Variants in SSBP2 observed in about 807,000 individuals in gnomAD.
SSBP2 encodes the protein single stranded DNA binding protein 2.
Under a neutral mutation model 61.8 loss-of-function variants are expected in SSBP2, and 17 were observed. The observed-to-expected ratio is 0.28, with a 90% CI of 0.19 to 0.41. SSBP2 has a LOEUF of 0.41. SSBP2 is among the 10% of genes least tolerant of loss of function. The pLI, the probability that SSBP2 is intolerant of heterozygous loss-of-function variation, is 1.00. For synonymous variants in SSBP2, 139 were observed against 141.3 expected (o/e 0.98, Z 0.12); for missense variants, 310 against 458.7 (o/e 0.68, Z 2.96).
intron 15 of SSBP2, among the ~76,000 whole-genome samples, chr5:81,432,043 A>C (rs1223144464): frequency 6.6e-6 from 1 of 152,260 alleles, no homozygotes; most frequent in Non-Finnish European, 1.5e-5. Context: ...TTAGAATAAA[A>C]TAATAATGAC....
chr5:81,681,160 T>G (rs1486534608), intron 1 of SSBP2, among the ~76,000 whole-genome samples: 1 of 152,106 alleles, frequency 6.6e-6, no homozygotes, highest in Non-Finnish European at 1.5e-5. Context: ...AACAATGCAC[T>G]TCTAAACACA....
intron 11 of SSBP2, 97 bp downstream of exon 11, chr5:81,448,693 T>C: frequency 8.1e-7 from 1 of 1,237,030 alleles, no homozygotes; most frequent in Non-Finnish European, 1.2e-6. Context: ...TCTTGGCCAA[T>C]ACACAGGGGC....
chr5:81,656,300 T>C (rs6887447), intron 1 of SSBP2, among the ~76,000 whole-genome samples: 14,638 of 152,126 alleles, frequency 0.096, 1,757 homozygotes, highest in African/African-American at 0.29. Context: ...TCCGCCCACC[T>C]CAGCCTCCCA....
intron 1 of SSBP2, among the ~76,000 whole-genome samples, chr5:81,709,011 T>C (rs1426796285): frequency 6.6e-6 from 1 of 151,954 alleles, no homozygotes. Flanking sequence ...TCACTGAAAG[T>C]AGTTTGATGG....
intron 3 of SSBP2, among the ~76,000 whole-genome samples, chr5:81,624,771 T>C (rs1188850343): frequency 1.3e-5 from 2 of 152,174 alleles, no homozygotes; most frequent in African/African-American, 4.8e-5. Flanking sequence ...ACTATAATGT[T>C]ATAGCCTTAT....
chr5:81,650,403 A>T, intron 1 of SSBP2, 64 bp from the exon 2 acceptor site: 1 of 1,149,408 alleles, frequency 8.7e-7, no homozygotes, highest in Non-Finnish European at 1.2e-6. Context: ...TAAATAATGC[A>T]CATCTTTCCA....
At chr5:81,748,037 A>G (rs750520126) in intron 1 of SSBP2, among the ~76,000 whole-genome samples, 12 of 152,196 alleles carry the variant, frequency 7.9e-5, no homozygotes, top group Non-Finnish European at 1.5e-4. Context: ...TGTAAAACCA[A>G]TAATTCACTT....
chr5:81,442,561 T>C (rs1763102602), intron 13 of SSBP2, 92 bp downstream of exon 13: 1 of 700,490 alleles, frequency 1.4e-6, no homozygotes, highest in African/African-American at 1.9e-5. Context: ...GATAATAAAA[T>C]ATAAAGTTTA....
chr5:81,716,149 C>CA (rs568826295), intron 1 of SSBP2, among the ~76,000 whole-genome samples: 39 of 145,222 alleles, frequency 2.7e-4, no homozygotes, highest in African/African-American at 4.3e-4. Context: ...TAGATAGCGT[C>CA]AAAAAAAAAA....
At chr5:81,439,537 C>T (rs1249634288) in intron 14 of SSBP2, among the ~76,000 whole-genome samples, 2 of 148,558 alleles carry the variant, frequency 1.3e-5, no homozygotes, top group Non-Finnish European at 3.0e-5. Context: ...GAGTTTTGCT[C>T]GTCACCCAGG....
At chr5:81,551,011 G>C (rs183652820) in intron 4 of SSBP2, among the ~76,000 whole-genome samples, 2 of 149,086 alleles carry the variant, frequency 1.3e-5, no homozygotes, top group Non-Finnish European at 3.0e-5. Context: ...CAGGAGAATG[G>C]CATGAACCCG....
chr5:81,747,064 G>A (rs1273300216), intron 1 of SSBP2, among the ~76,000 whole-genome samples: 1 of 141,444 alleles, frequency 7.1e-6, no homozygotes, highest in Non-Finnish European at 1.5e-5. Context: ...TCGTCATTAT[G>A]TTAGGCTTCC....
chr5:81,592,196 T>G (rs2973344), intron 4 of SSBP2, among the ~76,000 whole-genome samples: 11 of 152,208 alleles, frequency 7.2e-5, no homozygotes, highest in South Asian at 6.2e-4. Context: ...TATCCCGCAC[T>G]TGGCTCGGAG....
At chr5:81,600,283 C>T (rs1744221523) in intron 4 of SSBP2, among the ~76,000 whole-genome samples, 2 of 152,010 alleles carry the variant, frequency 1.3e-5, no homozygotes, top group South Asian at 4.2e-4. Flanking sequence ...GAAAATAAGG[C>T]CGGGTGTGGT....
In SSBP2 at chr5:81,751,027, T is replaced by G; in HGVS notation, c.16A>C (p.Lys6Gln). Residue 6 changes from lysine (K) to glutamine (Q), a missense_variant, in exon 1 of 17, where the codon AAG becomes CAG. Coordinates refer to ENST00000320672, the MANE Select transcript of SSBP2 (RefSeq NM_012446.5). ...GACGGGACGGCGCTGCTGTTACTCT[T>G]GCCTTTGCCGTACATGCTTGTGCCG... 2 of 1,599,238 alleles carry G rather than the reference T, an allele frequency of 1.3e-6. No homozygotes were observed. Among genetic ancestry groups the G allele is most frequent in the Non-Finnish European group, 1.7e-6 (2 of 1,173,068 alleles).
intron 8 of SSBP2, among the ~76,000 whole-genome samples, chr5:81,468,205 C>G (rs115408044): frequency 9.2e-5 from 14 of 152,098 alleles, no homozygotes; most frequent in African/African-American, 3.4e-4. Flanking sequence ...CTTGATGTTT[C>G]TTCCTTTTCT....
At chr5:81,627,830 G>A (rs966397027) in intron 3 of SSBP2, among the ~76,000 whole-genome samples, 16 of 152,146 alleles carry the variant, frequency 1.1e-4, no homozygotes, top group Admixed American at 5.9e-4. Flanking sequence ...GGCAGAAGCA[G>A]AGGCGAGTGA....
Position 81,615,573 on chromosome 5 carries a change from T to C in SSBP2, c.198-16A>G, listed in dbSNP as rs748881088. On this transcript the variant is annotated splice_polypyrimidine_tract_variant and intron_variant, in intron 3 of 16. Transcript: ENST00000320672. The stretch of plus-strand genomic sequence containing the variant: ...CCAAAATACACTAAAAAAGTAATCA[T>C]GGTAACATTAAGAAAATCATACAAC... The C allele has an allele frequency of 3.2e-6, 5 of 1,564,666 alleles. No individual in the cohort carries two copies. Among genetic ancestry groups the C allele is most frequent in the South Asian group, 1.1e-5 (1 of 87,898 alleles).
chr5:81,579,043 T>A (rs1477756490), intron 4 of SSBP2, among the ~76,000 whole-genome samples: 1 of 152,016 alleles, frequency 6.6e-6, no homozygotes, highest in Non-Finnish European at 1.5e-5. Flanking sequence ...TAGAGCTTGA[T>A]AAAAGCAGAG....
Sources: gnomAD v4.1 joint callset for allele counts (sites outside exome capture counted in the v4.1 genomes callset) on GRCh38, gnomAD v4.1.1 for gene constraint, MANE v1.5 for transcripts, NCBI Gene and HGNC (gene_info 2026-07-23, HGNC 2026-07-21) for gene names.